The following RNF115 variants were observed in gnomAD, a reference collection of about 807,000 sequenced individuals.
RNF115 encodes E3 ubiquitin-protein ligase RNF115.
Under a neutral mutation model 39.2 loss-of-function variants are expected in RNF115, and 31 were observed. That is an observed-to-expected ratio of 0.79 (90% confidence interval 0.59 to 1.07). The LOEUF (loss-of-function observed/expected upper bound fraction) is 1.07. Ranked by LOEUF, RNF115 falls within the 50% of genes least tolerant of loss-of-function variation. The pLI, the probability that RNF115 is intolerant of heterozygous loss-of-function variation, is 0.00. For synonymous variants in RNF115, 124 were observed against 131.0 expected, an observed-to-expected ratio of 0.95 and a Z score of 0.37; for missense variants, 384 against 381.7, an observed-to-expected ratio of 1.01 and a Z score of -0.05.
chr1:145,802,291 C>G (rs1038434308), intron 1 of RNF115, among the ~76,000 whole-genome samples: 1 of 152,176 alleles, frequency 6.6e-6, no homozygotes, highest in South Asian at 2.1e-4. Flanking sequence ...CTAAGCATAG[C>G]TTAGCCCTGA....
chr1:145,739,577 G>GA lies in RNF115; in HGVS notation c.*7288dup. ...ACCAGCTATTTGTCATTGGGCAAATGAATTTTTTTTTTTTTTTTTTGAGAC... is the reference window on the plus strand; with the variant it reads ...ACCAGCTATTTGTCATTGGGCAAATGAAATTTTTTTTTTTTTTTTTTGAGAC... On this transcript the variant is annotated 3_prime_UTR_variant, in exon 9 of 9. Coordinates refer to ENST00000582693, the MANE Select transcript of RNF115 (RefSeq NM_014455.4). 7.4e-6 allele frequency: 1 copy of GA among 134,456 alleles called. No homozygotes were observed. The highest frequency in any genetic ancestry group is 2.4e-4 in the East Asian group (1 of 4,102). The allele number at this position is 134,456 out of a possible 1,614,324, so 8.3% of individuals were successfully genotyped here. A position where few individuals can be genotyped will look rare whatever the true frequency, so the allele number is the denominator to read the frequency against.
At chr1:145,806,262 C>T (rs1362883925) in intron 1 of RNF115, among the ~76,000 whole-genome samples, 1 of 152,066 alleles carries the variant, frequency 6.6e-6, no homozygotes, top group Non-Finnish European at 1.5e-5. Flanking sequence ...GCAGGAGAAT[C>T]GCTTGAACCC....
At chr1:145,761,385 G>C (rs1658496521) in intron 4 of RNF115, among the ~76,000 whole-genome samples, 1 of 152,216 alleles carries the variant, frequency 6.6e-6, no homozygotes, top group Admixed American at 6.5e-5. Context: ...AAGTGGTTTT[G>C]TGGGCTGGGC....
chr1:145,798,410 G>A (rs1348341392), intron 1 of RNF115, among the ~76,000 whole-genome samples: 2 of 152,102 alleles, frequency 1.3e-5, no homozygotes, highest in Admixed American at 6.6e-5. Context: ...TCCCAACACT[G>A]TTTGCTGAAG....
intron 4 of RNF115, among the ~76,000 whole-genome samples, chr1:145,763,962 G>C (rs587751441): frequency 1.0e-4 from 13 of 128,832 alleles, no homozygotes; most frequent in African/African-American, 3.5e-4. Flanking sequence ...CTCTGATGCC[G>C]AGCCGAAGCT....
chr1:145,786,375 T>C (rs1172746704), intron 2 of RNF115, among the ~76,000 whole-genome samples: 1 of 152,186 alleles, frequency 6.6e-6, no homozygotes, highest in African/African-American at 2.4e-5. Context: ...ATGAACTTTA[T>C]AGAAGGAAAT....
At chr1:145,783,263 G>A (rs1553717701) in intron 3 of RNF115, among the ~76,000 whole-genome samples, 1 of 152,132 alleles carries the variant, frequency 6.6e-6, no homozygotes, top group East Asian at 1.9e-4. Context: ...ATCAACCCGG[G>A]CAGTTCAGAG....
At chr1:145,811,899 AAAAAAAAAAAT>A (rs1476558958) in intron 1 of RNF115, among the ~76,000 whole-genome samples, 41 of 101,206 alleles carry the variant, frequency 4.1e-4, no homozygotes, top group African/African-American at 1.4e-3. Context: ...AAAAAAAAAA[AAAAAAAAAAAT>A]ATATATATAT....
Position 145,742,662 on chromosome 1 carries a change from A to C in RNF115, c.*4204T>G. 1 of 152,226 alleles carries C rather than the reference A, an allele frequency of 6.6e-6. No individual in the cohort carries two copies. Among genetic ancestry groups the C allele is most frequent in the East Asian group, 1.9e-4 (1 of 5,206 alleles). 9.4% of individuals were successfully genotyped at this position (152,226 alleles called of 1,614,324 possible). On this transcript the variant is annotated 3_prime_UTR_variant, in exon 9 of 9. Coordinates refer to ENST00000582693, the MANE Select transcript of RNF115 (RefSeq NM_014455.4). ...TCTTCCTCCATTGTGAAATGTGCATACACGTGTTTGTCTGTGAATATATAA... is the reference window on the plus strand; with the variant it reads ...TCTTCCTCCATTGTGAAATGTGCATCCACGTGTTTGTCTGTGAATATATAA...
At chr1:145,767,551 C>A (rs1297965571) in intron 4 of RNF115, among the ~76,000 whole-genome samples, 1 of 152,204 alleles carries the variant, frequency 6.6e-6, no homozygotes, top group African/African-American at 2.4e-5. Context: ...CAGAGACGCT[C>A]CTCACTTCCC....
intron 4 of RNF115, among the ~76,000 whole-genome samples, chr1:145,770,631 T>C (rs587705915): frequency 4.1e-5 from 6 of 145,648 alleles, no homozygotes; most frequent in Admixed American, 1.4e-4. Context: ...ATTCAAGTCT[T>C]AGATCCACCA....
chr1:145,766,789 CGGGGGGGG>C (rs1164074188), intron 4 of RNF115, among the ~76,000 whole-genome samples: 1 of 5,086 alleles, frequency 2.0e-4, no homozygotes, highest in African/African-American at 3.7e-4. Flanking sequence ...GGCGGCTGGC[CGGGGGGGG>C]GGGGGGGGGG....
chr1:145,819,431 G>A lies in RNF115; in HGVS notation c.102+4341C>T, dbSNP rs587742100. Among the ~76,000 whole-genome samples, 36 of 152,112 alleles carry A rather than the reference G, an allele frequency of 2.4e-4. No individual in the cohort carries two copies. In the South Asian group the frequency reaches 4.8e-3, roughly 20 times the overall value. ...CATGCCACTGAACTCCAGTATGGGC[G>A]ACACAGTGAGACCCTGTCTCAAAAA... On this transcript the variant is annotated intron_variant, in intron 1 of 8. Coordinates refer to ENST00000582693, the MANE Select transcript of RNF115 (RefSeq NM_014455.4).
At chr1:145,766,569 G>A (rs1553714872) in intron 4 of RNF115, among the ~76,000 whole-genome samples, 3 of 150,702 alleles carry the variant, frequency 2.0e-5, no homozygotes, top group African/African-American at 4.9e-5. Context: ...CAGTAGGGGC[G>A]GCCGGGCAGA....
At chr1:145,823,749 T>A in intron 1 of RNF115, 23 bp downstream of exon 1, 2 of 1,506,660 alleles carry the variant, frequency 1.3e-6, no homozygotes, top group Non-Finnish European at 1.8e-6. Context: ...GGTTCCCAAG[T>A]ATAGAGAACA....
intron 3 of RNF115, among the ~76,000 whole-genome samples, chr1:145,781,195 T>A (rs1325376653): frequency 6.6e-6 from 1 of 152,168 alleles, no homozygotes; most frequent in Non-Finnish European, 1.5e-5. Flanking sequence ...AGAAATTTTC[T>A]TGGAATAAGC....
Position 145,751,472 on chromosome 1 carries a change from C to G in RNF115, c.539G>C (p.Trp180Ser). The G allele has an allele frequency of 6.3e-7, 1 of 1,595,930 alleles. No homozygotes were observed. Among genetic ancestry groups the G allele is most frequent in the African/African-American group, 1.3e-5 (1 of 74,750 alleles). Residue 180 changes from tryptophan to serine, a missense_variant, in exon 6 of 9, where the codon TGG becomes TCG. Transcript: ENST00000582693. ...AATGGCATCAAGCCCTGTCTGACCC[C>G]AGGCATAGTCCCCAGGGTTGGAGTG... ...MLHSNPGDYA[W>S]GQTGLDAIVT...
chr1:145,764,147 C>G (rs1331774817), intron 4 of RNF115, among the ~76,000 whole-genome samples: 1 of 152,216 alleles, frequency 6.6e-6, no homozygotes, highest in Non-Finnish European at 1.5e-5. Context: ...AGCTCCTAAC[C>G]GCGAGTGATC....
rs868946041 is a variant in RNF115, at chr1:145,820,772, T to C, written c.102+3000A>G. Among the ~76,000 whole-genome samples, 39 of 151,688 alleles carry C rather than the reference T, an allele frequency of 2.6e-4. No homozygotes were observed. In the Middle Eastern group the frequency reaches 0.014, roughly 53 times the overall value. ...AGGGAATATACTGTATATTTGAAAA[T>C]TGCTAAGACAGATTTTAAGTGTTCT... On this transcript the variant is annotated intron_variant, in intron 1 of 8. Transcript: ENST00000582693.
Sources: allele counts gnomAD v4.1 joint callset (sites outside exome capture counted in the v4.1 genomes callset), GRCh38; gene constraint gnomAD v4.1.1; transcripts MANE v1.5; gene names NCBI Gene and HGNC (gene_info 2026-07-23, HGNC 2026-07-21).